The following SLC43A1 variants were observed in gnomAD, a reference collection of about 807,000 sequenced individuals.
The protein encoded by SLC43A1 is large neutral amino acids transporter small subunit 3.
SLC43A1 carries 31 observed loss-of-function variants against 59.5 expected under a neutral mutation model. The observed-to-expected ratio is 0.52, with a 90% CI of 0.39 to 0.70. SLC43A1 has a LOEUF of 0.70. Among genes scored for constraint, SLC43A1 ranks in the 30% least tolerant of loss-of-function variants. The pLI, the probability that SLC43A1 is intolerant of heterozygous loss-of-function variation, is 0.00. For synonymous variants in SLC43A1, 259 were observed against 290.9 expected, an observed-to-expected ratio of 0.89 and a Z score of 1.12; for missense variants, 598 against 717.8, an observed-to-expected ratio of 0.83 and a Z score of 1.91.
chr11:57,492,003 T>C, intron 8 of SLC43A1, 141 bp from the exon 9 acceptor site: 1 of 798,774 alleles, frequency 1.3e-6, no homozygotes, highest in Non-Finnish European at 1.9e-6. Context: ...ACGGGAAAGT[T>C]CAGATTCACT....
intron 11 of SLC43A1, among the ~76,000 whole-genome samples, 197 bp downstream of exon 11, chr11:57,491,027 C>T (rs1461753086): frequency 5.9e-5 from 9 of 152,258 alleles, no homozygotes; most frequent in Admixed American, 5.9e-4. Flanking sequence ...AGTCAGCACT[C>T]TGCATTAGCT....
At position 57,494,005 on chromosome 11, in the gene SLC43A1, T is replaced by C; in HGVS notation, c.859A>G (p.Asn287Asp). 4.4e-6 allele frequency: 7 copies of C among 1,595,150 alleles called. No homozygotes were observed. Among genetic ancestry groups the C allele is most frequent in the Non-Finnish European group, 5.1e-6 (6 of 1,172,244 alleles). The change falls in exon 8 of 15, where the codon AAC (asparagine) becomes GAC (aspartate). Residue 287 changes from asparagine (N) to aspartate (D), a missense_variant. Transcript: ENST00000278426. ...ACCAGACACTCACTCTCAGGAAGGT[T>C]TTCTGAGGTGCCCCGAACATCCTGG... ...SPQDVRGTSE[N>D]LPERSVPLRK...
rs1421439392 is a variant in SLC43A1 at position 57,484,963 on chromosome 11, ACTT to A, written c.*130_*132del. The A allele has an allele frequency of 3.6e-6, 4 of 1,123,478 alleles. No homozygotes were observed. Among genetic ancestry groups the A allele is most frequent in the Non-Finnish European group, 4.8e-6 (4 of 827,330 alleles). The allele number at this position is 1,123,478 out of a possible 1,614,324, so 69.6% of individuals were successfully genotyped here. On this transcript the variant is annotated 3_prime_UTR_variant, in exon 15 of 15. Transcript: ENST00000278426. Reference sequence around the variant, plus strand: ...TTTTTGCAGTCTTTACAAAAATAGAACTTCTCTTGGTATTTATAAATCTACGGC... The same window carrying A: ...TTTTTGCAGTCTTTACAAAAATAGAACTCTTGGTATTTATAAATCTACGGC...
At position 57,501,018 on chromosome 11, in the gene SLC43A1, G is replaced by A. The variant is rs368036614; in HGVS notation, c.358C>T (p.Leu120Phe). The change falls in exon 4 of 15, where the codon CTC becomes TTC. Residue 120 changes from leucine to phenylalanine, a missense_variant. Coordinates refer to ENST00000278426, the MANE Select transcript of SLC43A1 (RefSeq NM_003627.6). ...ACGTCCCGGGAGGCCAGGGCCATGA[G>A]GGTGCAGGACGCAGTGAAGCAGGCA... ...GSACFTASCT[L>F]MALASRDVEA... The A allele has an allele frequency of 2.5e-6, 4 of 1,602,112 alleles. No individual in the cohort carries two copies. The highest frequency in any genetic ancestry group is 3.4e-6 in the Non-Finnish European group (4 of 1,174,284).
rs1446243403 is a variant in SLC43A1 at position 57,496,141 on chromosome 11, G to A, written c.582C>T (p.Ala194=). Residue 194 remains alanine (A), a synonymous_variant, in exon 7 of 15, where the codon GCC becomes GCT. Coordinates refer to ENST00000278426, the MANE Select transcript of SLC43A1 (RefSeq NM_003627.6). The stretch of plus-strand genomic sequence containing the variant: ...ACCAGGTGAACATGATGACCACGAA[G>A]GCCACACCGGCATCGTAGATCAGCT... ...GIKLIYDAGV[A]FVVIMFTWSG... The A allele has an allele frequency of 1.2e-6, 2 of 1,614,020 alleles. No homozygotes were observed. The highest frequency in any genetic ancestry group is 2.7e-5 in the African/African-American group (2 of 74,912).
At chr11:57,490,009 G>C (rs920245299) in intron 11 of SLC43A1, among the ~76,000 whole-genome samples, 1 of 152,210 alleles carries the variant, frequency 6.6e-6, no homozygotes, top group African/African-American at 2.4e-5. Context: ...ATTAGGAGCA[G>C]AGGGTAGAGG....
chr11:57,513,964 A>T lies in SLC43A1; in HGVS notation c.148T>A (p.Cys50Ser). 1 of 745,804 alleles carries T rather than the reference A, an allele frequency of 1.3e-6. No individual in the cohort carries two copies. The highest frequency in any genetic ancestry group is 2.1e-6 in the Non-Finnish European group (1 of 472,076). 46.2% of individuals were successfully genotyped at this position (745,804 alleles called of 1,614,324 possible). A position where few individuals can be genotyped will look rare whatever the true frequency, so the allele number is the denominator to read the frequency against. The change falls in exon 2 of 15, where the codon TGC (cysteine) becomes AGC (serine). Residue 50 changes from cysteine (C) to serine (S), a missense_variant. Cys to Ser is a moderately radical substitution (Grantham distance 112). Transcript: ENST00000278426. ...LKNEGFYSST[C>S]PAESSTNTTQ... The stretch of plus-strand genomic sequence containing the variant: ...AGCCCATTTTCAGGCATACCTGGGC[A>T]CGTGCTGGAATAGAAGCCCTCGTTC...
intron 2 of SLC43A1, among the ~76,000 whole-genome samples, chr11:57,503,072 G>C (rs1423011739): frequency 1.3e-5 from 2 of 151,984 alleles, no homozygotes; most frequent in Non-Finnish European, 2.9e-5. Flanking sequence ...TCTGTGTGTT[G>C]ACATAAGGAA....
rs374212433 is a variant in SLC43A1 at position 57,501,016 on chromosome 11, G to A, written c.360C>T (p.Leu120=). ...CCACGTCCCGGGAGGCCAGGGCCAT[G>A]AGGGTGCAGGACGCAGTGAAGCAGG... The part of the protein sequence containing the change: ...GSACFTASCT[L]MALASRDVEA... Residue 120 remains leucine (L), a synonymous_variant, in exon 4 of 15, where the codon CTC becomes CTT. Coordinates refer to ENST00000278426, the MANE Select transcript of SLC43A1 (RefSeq NM_003627.6). 9.7e-5 allele frequency: 155 copies of A among 1,601,690 alleles called. No individual in the cohort carries two copies. Among genetic ancestry groups the A allele is most frequent in the Non-Finnish European group, 1.3e-4 (148 of 1,174,058 alleles).
At chr11:57,512,916 T>A (rs990245041) in intron 2 of SLC43A1, among the ~76,000 whole-genome samples, 11 of 151,586 alleles carry the variant, frequency 7.3e-5, no homozygotes, top group Non-Finnish European at 4.4e-5. Context: ...GATCAAGACC[T>A]CCCCATCTCC....
In SLC43A1 at chr11:57,513,981, C is replaced by A; in HGVS notation, c.131G>T (p.Gly44Val). The change falls in exon 2 of 15, where the codon GGC becomes GTC. Residue 44 changes from glycine (G) to valine (V), a missense_variant. Gly to Val is a moderately radical substitution (Grantham distance 109). Transcript: ENST00000278426. Reference protein sequence around the residue: ...GSLLIILKNEGFYSSTCPAES... With the variant: ...GSLLIILKNEVFYSSTCPAES... Reference sequence around the variant, plus strand: ...ACCTGGGCACGTGCTGGAATAGAAGCCCTCGTTCTTCAGAATGATCAACAG... The same window carrying A: ...ACCTGGGCACGTGCTGGAATAGAAGACCTCGTTCTTCAGAATGATCAACAG... The A allele has an allele frequency of 1.3e-6, 2 of 1,579,410 alleles. No homozygotes were observed. The highest frequency in any genetic ancestry group is 1.7e-6 in the Non-Finnish European group (2 of 1,160,014).
At chr11:57,485,907 G>A (rs1356105431) in intron 14 of SLC43A1, among the ~76,000 whole-genome samples, 1 of 152,264 alleles carries the variant, frequency 6.6e-6, no homozygotes, top group African/African-American at 2.4e-5. Context: ...TTTGGGAGGA[G>A]GGTTTACGTG....
chr11:57,503,759 C>G (rs972813949), intron 2 of SLC43A1, among the ~76,000 whole-genome samples: 1 of 152,304 alleles, frequency 6.6e-6, no homozygotes, highest in Middle Eastern at 3.4e-3. Flanking sequence ...AGGCTGCACA[C>G]CGGTGACCAG....
chr11:57,495,784 A>G (rs1944063616), intron 7 of SLC43A1, among the ~76,000 whole-genome samples: 1 of 152,180 alleles, frequency 6.6e-6, no homozygotes, highest in African/African-American at 2.4e-5. Flanking sequence ...GGACCAAGAC[A>G]CTACACTCCA....
At chr11:57,495,109 A>G (rs1944041397) in intron 7 of SLC43A1, among the ~76,000 whole-genome samples, 1 of 151,840 alleles carries the variant, frequency 6.6e-6, no homozygotes, top group Non-Finnish European at 1.5e-5. Context: ...CGGCCTCCCA[A>G]AGTGCTGGGA....
intron 6 of SLC43A1, 48 bp from the exon 7 acceptor site, chr11:57,496,212 A>G: frequency 6.2e-7 from 1 of 1,606,816 alleles, no homozygotes; most frequent in South Asian, 1.1e-5. Flanking sequence ...CTGGCCCCAG[A>G]CCCCACCAAG....
At chr11:57,495,999 A>T (rs866910176) in intron 7 of SLC43A1, 32 bp downstream of exon 7, 1 of 1,611,288 alleles carries the variant, frequency 6.2e-7, no homozygotes, top group Non-Finnish European at 8.5e-7. Flanking sequence ...TCTCTGCCCC[A>T]GGGAGAGTCT....
In SLC43A1 at chr11:57,489,370, T is replaced by C. The variant is rs762230971; in HGVS notation, c.1216A>G (p.Ile406Val). The C allele has an allele frequency of 2.5e-6, 4 of 1,614,092 alleles. No homozygotes were observed. Among genetic ancestry groups the C allele is most frequent in the African/African-American group, 2.7e-5 (2 of 74,928 alleles). ...TGGATCTTGCAGTAGCGTGGTCTGA[T>C]GGATTTGGTAGCAACCCCGTCCCTG... ...DARDGVATKS[I>V]RPRYCKIQKL... Residue 406 changes from isoleucine (I) to valine (V), a missense_variant, in exon 12 of 15, where the codon ATC (isoleucine) becomes GTC (valine). Transcript: ENST00000278426.
intron 2 of SLC43A1, 35 bp downstream of exon 2, chr11:57,513,923 T>TACC: frequency 2.9e-5 from 34 of 1,162,160 alleles, no homozygotes; most frequent in Non-Finnish European, 3.0e-5. Flanking sequence ...TTGCCATCCC[T>TACC]CCCCCCAGCC....
Sources: allele counts gnomAD v4.1 joint callset (sites outside exome capture counted in the v4.1 genomes callset), GRCh38; gene constraint gnomAD v4.1.1; transcripts MANE v1.5; gene names NCBI Gene and HGNC (gene_info 2026-07-23, HGNC 2026-07-21).